The following CACNA1E variants were observed in gnomAD, a reference collection of about 807,000 sequenced individuals.
CACNA1E encodes the protein voltage-dependent R-type calcium channel subunit alpha-1E.
A neutral mutation model predicts 259.2 loss-of-function variants in CACNA1E; 40 were observed. The ratio of observed to expected loss-of-function variants is 0.15; its 90% CI spans 0.12 to 0.20. The LOEUF is 0.20. CACNA1E is among the 10% of genes least tolerant of loss of function. The pLI is 1.00. For missense variants in CACNA1E, 1,874 were observed against 3,040.1 expected (o/e 0.62, Z 9.02); for synonymous variants, 1,104 against 1,138.5 (o/e 0.97, Z 0.61).
intron 2 of CACNA1E, among the ~76,000 whole-genome samples, chr1:181,465,248 A>C (rs1049175000): frequency 6.6e-5 from 10 of 151,834 alleles, no homozygotes; most frequent in African/African-American, 2.2e-4. Flanking sequence ...TGCTTTTAAG[A>C]TTTTTTCCTT....
chr1:181,581,816 C>T (rs2102985119), intron 6 of CACNA1E, among the ~76,000 whole-genome samples: 1 of 152,286 alleles, frequency 6.6e-6, no homozygotes, highest in Non-Finnish European at 1.5e-5. Context: ...TTGGAATGAT[C>T]ATGCCTCTTA....
intron 6 of CACNA1E, among the ~76,000 whole-genome samples, chr1:181,587,532 G>A (rs933339217): frequency 6.6e-6 from 1 of 152,210 alleles, no homozygotes; most frequent in Admixed American, 6.5e-5. Flanking sequence ...GAGCAAAGAG[G>A]TGGCGGAGAA....
Position 181,658,609 on chromosome 1 carries a change from C to T in CACNA1E, c.1055+7168C>T, listed in dbSNP as rs146092190. Among the ~76,000 whole-genome samples the T allele has an allele frequency of 1.2e-4, 18 of 152,222 alleles. No homozygotes were observed. In the East Asian group the frequency reaches 3.5e-3, roughly 29 times the overall value. On this transcript the variant is annotated intron_variant, in intron 7 of 47. Transcript: ENST00000367573. ...CAGGTGGCATCACCTGCTTAACGGC[C>T]TGTGGATGTTCGATTGATCCAGCTG...
chr1:181,720,430 T>C (rs532066763), intron 14 of CACNA1E, 93 bp downstream of exon 14: 1 of 1,378,184 alleles, frequency 7.3e-7, no homozygotes, highest in African/African-American at 1.4e-5. Flanking sequence ...ACCATGTTAC[T>C]ATCCTGTCTG....
chr1:181,594,297 A>C (rs1030844704), intron 6 of CACNA1E, among the ~76,000 whole-genome samples: 3 of 152,188 alleles, frequency 2.0e-5, no homozygotes, highest in African/African-American at 7.2e-5. Flanking sequence ...AGAAACTGGT[A>C]GTCATTTATG....
chr1:181,571,430 A>G (rs888747282), intron 3 of CACNA1E, among the ~76,000 whole-genome samples: 1 of 152,222 alleles, frequency 6.6e-6, no homozygotes, highest in Non-Finnish European at 1.5e-5. Flanking sequence ...CAGGTAGGAG[A>G]GAGGCTGGAG....
At chr1:181,641,954 C>T (rs111399945) in intron 6 of CACNA1E, among the ~76,000 whole-genome samples, 5,338 of 152,050 alleles carry the variant, frequency 0.035, 154 homozygotes, top group African/African-American at 0.074. Context: ...CCTTGTGATC[C>T]GCTTGCCTCT....
rs371576889 is a variant in CACNA1E at position 181,718,177 on chromosome 1, C to T, written c.1638+10C>T. 1.5e-4 allele frequency: 214 copies of T among 1,417,506 alleles called. No individual in the cohort carries two copies. In the Middle Eastern group the frequency reaches 2.1e-3, roughly 14 times the overall value. The allele number at this position is 1,417,506 out of a possible 1,614,324, so 87.8% of individuals were successfully genotyped here. On this transcript the variant is annotated intron_variant, in intron 12 of 47. Coordinates refer to ENST00000367573, the MANE Select transcript of CACNA1E (RefSeq NM_001205293.3). ...CTGCTTTGATTTTGGGGTAAGTCCT[C>T]GGAAGCCTGCCTCTGCTCCTGCTTC... is the stretch of plus-strand genomic sequence containing the variant.
At chr1:181,426,421 C>G (rs1380242220) in intron 2 of CACNA1E, among the ~76,000 whole-genome samples, 1 of 151,362 alleles carries the variant, frequency 6.6e-6, no homozygotes, top group African/African-American at 2.4e-5. Context: ...CACAACTCAA[C>G]CCCTTCACAA....
chr1:181,613,443 A>C (rs1233929645), intron 6 of CACNA1E, among the ~76,000 whole-genome samples: 2 of 152,226 alleles, frequency 1.3e-5, no homozygotes, highest in African/African-American at 4.8e-5. Context: ...AGCTAGAGAA[A>C]AGAAAATCAT....
intron 1 of CACNA1E, among the ~76,000 whole-genome samples, chr1:181,493,998 C>T (rs1173026756): frequency 6.6e-6 from 1 of 152,258 alleles, no homozygotes; most frequent in African/African-American, 2.4e-5. Flanking sequence ...GCACCATCCT[C>T]TTCCAGGCCT....
intron 6 of CACNA1E, among the ~76,000 whole-genome samples, chr1:181,615,240 G>C (rs1365454941): frequency 6.6e-6 from 1 of 152,070 alleles, no homozygotes; most frequent in Non-Finnish European, 1.5e-5. Flanking sequence ...ACCCAGGCTG[G>C]AGTGCAGTGG....
chr1:181,684,401 C>T (rs1650300457), intron 7 of CACNA1E, among the ~76,000 whole-genome samples: 1 of 152,076 alleles, frequency 6.6e-6, no homozygotes. Flanking sequence ...ACATAGATTG[C>T]AAATATTTTC....
chr1:181,511,530 C>A lies in CACNA1E; in HGVS notation c.512+20C>A, dbSNP rs1472986471. 2 of 1,612,312 alleles carry A rather than the reference C, an allele frequency of 1.2e-6. No homozygotes were observed. The highest frequency in any genetic ancestry group is 1.7e-6 in the Non-Finnish European group (2 of 1,179,138). On this transcript the variant is annotated intron_variant, in intron 3 of 47. Coordinates refer to ENST00000367573, the MANE Select transcript of CACNA1E (RefSeq NM_001205293.3). ...CAGTGGGTAAGTCCATTTTCTCTCT[C>A]TGTCTGTGTGTGTGTATGAAGGGGG...
intron 7 of CACNA1E, among the ~76,000 whole-genome samples, chr1:181,660,190 A>ATGC (rs1647505762): frequency 6.6e-6 from 1 of 152,230 alleles, no homozygotes; most frequent in African/African-American, 2.4e-5. Context: ...GCATCTCATG[A>ATGC]ATGCATAGAG....
chr1:181,467,844 A>C (rs1303373145), intron 2 of CACNA1E, among the ~76,000 whole-genome samples: 1 of 152,210 alleles, frequency 6.6e-6, no homozygotes, highest in Non-Finnish European at 1.5e-5. Flanking sequence ...TTGGGCCCCA[A>C]GGGTCATTTA....
intron 1 of CACNA1E, among the ~76,000 whole-genome samples, chr1:181,369,315 G>T (rs530974133): frequency 2.9e-4 from 44 of 152,340 alleles, no homozygotes; most frequent in African/African-American, 9.9e-4. Context: ...TTTAATGGCC[G>T]CATCTTCGGG....
At chr1:181,538,168 A>G (rs909283667) in intron 3 of CACNA1E, among the ~76,000 whole-genome samples, 5 of 152,182 alleles carry the variant, frequency 3.3e-5, no homozygotes, top group African/African-American at 1.2e-4. Flanking sequence ...AAATTTTTAC[A>G]TATTGAGTTA....
Position 181,798,304 on chromosome 1 carries a change from C to G in CACNA1E, c.6412C>G (p.Leu2138Val). The change falls in exon 48 of 48, where the codon CTA becomes GTA. Residue 2138 changes from leucine (L) to valine (V), a missense_variant. Coordinates refer to ENST00000367573, the MANE Select transcript of CACNA1E (RefSeq NM_001205293.3). The surrounding 1 kb of genome is among the most constrained non-coding windows in gnomAD (Gnocchi z 4.2). ...QTPNRQGTGS[L>V]SESSIPSVSD... ...TCCTGCTATACAGGGCACAGGTTCC[C>G]TAAGTGAGAGCTCCATCCCCTCTGT... is the stretch of plus-strand genomic sequence containing the variant. 6.3e-7 allele frequency: 1 copy of G among 1,595,928 alleles called. No homozygotes were observed. The highest frequency in any genetic ancestry group is 1.3e-5 in the African/African-American group (1 of 74,838).
Sources: gnomAD v4.1 joint callset for allele counts (sites outside exome capture counted in the v4.1 genomes callset) on GRCh38, gnomAD v4.1.1 for gene constraint, Gnocchi (gnomAD v3.1) non-coding constraint, MANE v1.5 for transcripts, NCBI Gene and HGNC (gene_info 2026-07-23, HGNC 2026-07-21) for gene names.